PRSS3: variants seen among roughly 807,000 people sequenced by gnomAD.
PRSS3 encodes trypsin-3.
PRSS3 carries 14 observed loss-of-function variants against 20.8 expected under a neutral mutation model. The observed-to-expected ratio is 0.67, with a 90% CI of 0.44 to 1.05. The LOEUF is 1.05. PRSS3 is among the 50% of genes least tolerant of loss of function. PRSS3 has a pLI of 0.00. For missense variants in PRSS3, 237 were observed against 306.4 expected (o/e 0.77, Z 1.69); for synonymous variants, 91 against 117.6 (o/e 0.77, Z 1.46).
chr9:33,771,214 A>G (rs1170085030), intron 1 of PRSS3, among the ~76,000 whole-genome samples: 1 of 152,046 alleles, frequency 6.6e-6, no homozygotes, highest in Non-Finnish European at 1.5e-5. Flanking sequence ...TCCCTCTTAG[A>G]GCATGTTCTT....
chr9:33,799,079 T>A lies in PRSS3; in HGVS notation c.643T>A (p.Ser215Thr), dbSNP rs1825193767. ...CAACGGACAGCTCCAAGGAGTTGTC[T>A]CCTGGGGCCATGGCTGTGCCTGGAA... ...VCNGQLQGVV[S>T]WGHGCAWKNR... Residue 215 changes from serine (S) to threonine (T), a missense_variant, in exon 5 of 5, where the codon TCC becomes ACC. Ser to Thr is a moderately conservative substitution (Grantham distance 58). Transcript: ENST00000379405. The A allele has an allele frequency of 6.2e-7, 1 of 1,614,100 alleles. No homozygotes were observed. The highest frequency in any genetic ancestry group is 8.5e-7 in the Non-Finnish European group (1 of 1,180,028).
chr9:33,756,525 T>G (rs985737260), intron 1 of PRSS3, among the ~76,000 whole-genome samples: 7 of 152,190 alleles, frequency 4.6e-5, no homozygotes, highest in Admixed American at 6.5e-5. Context: ...GAAACTTAAA[T>G]TACTTAGACT....
intron 1 of PRSS3, among the ~76,000 whole-genome samples, chr9:33,754,779 C>A (rs62559231): frequency 0.32 from 47,879 of 151,812 alleles, 8,465 homozygotes; most frequent in East Asian, 0.57. Flanking sequence ...TGCAGTGAGC[C>A]GAAATCATGC....
In PRSS3 at chr9:33,778,975, TATC is replaced by T. The variant is rs1197574609; in HGVS notation, c.-52-15768_-52-15766del. ...ACGGCACAAACTACCACACTAAAAT[TATC>T]ATGCTAATTATATATGCAAGATGTG... On this transcript the variant is annotated intron_variant, in intron 1 of 5. Coordinates refer to the PRSS3 transcript ENST00000342836. Among the ~76,000 whole-genome samples, 5 of 152,204 alleles carry T rather than the reference TATC, an allele frequency of 3.3e-5. No individual in the cohort carries two copies. In the South Asian group the frequency reaches 6.2e-4, roughly 19 times the overall value.
At position 33,761,890 on chromosome 9, in the gene PRSS3, GA is replaced by G. The variant is rs200890148; in HGVS notation, c.-53+11170del. Among the ~76,000 whole-genome samples, 921 of 151,698 alleles carry G rather than the reference GA, an allele frequency of 6.1e-3. 8 individuals carry two copies. The highest frequency in any genetic ancestry group is 0.021 in the African/African-American group (872 of 41,388). The stretch of plus-strand genomic sequence containing the variant: ...TGAGACCTTGTCTCAAAAAAAAGAA[GA>G]AAAAAAGGTATTATAATCTTATGGG... On this transcript the variant is annotated intron_variant, in intron 1 of 5. Coordinates refer to the PRSS3 transcript ENST00000342836.
intron 1 of PRSS3, among the ~76,000 whole-genome samples, chr9:33,753,947 G>T (rs997020451): frequency 1.3e-5 from 2 of 152,160 alleles, no homozygotes; most frequent in Admixed American, 6.5e-5. Flanking sequence ...ACCCTCCTTA[G>T]CATGGAGCTC....
intron 1 of PRSS3, among the ~76,000 whole-genome samples, chr9:33,784,537 T>C (rs1824306948): frequency 1.3e-5 from 2 of 152,254 alleles, no homozygotes; most frequent in African/African-American, 4.8e-5. Context: ...ACATTTTCTC[T>C]ATTATAAGGT....
At chr9:33,777,531 CAAAAAAA>C (rs74180503) in intron 1 of PRSS3, among the ~76,000 whole-genome samples, 8 of 101,860 alleles carry the variant, frequency 7.9e-5, no homozygotes, top group South Asian at 3.3e-4. Context: ...CTAAAAATAC[CAAAAAAA>C]AAAAAAAAAA....
chr9:33,753,840 T>C (rs1237439230), intron 1 of PRSS3, among the ~76,000 whole-genome samples: 1 of 152,186 alleles, frequency 6.6e-6, no homozygotes, highest in East Asian at 1.9e-4. Context: ...TTTGTTTTTC[T>C]CAGAGAAGGA....
chr9:33,750,771 C>T lies in PRSS3; in HGVS notation c.-53+44C>T, dbSNP rs1435618758. The T allele has an allele frequency of 1.4e-6, 2 of 1,414,626 alleles. No homozygotes were observed. Among genetic ancestry groups the T allele is most frequent in the Non-Finnish European group, 1.8e-6 (2 of 1,089,000 alleles). 87.6% of individuals were successfully genotyped at this position (1,414,626 alleles called of 1,614,324 possible). Reference sequence around the variant, plus strand: ...CAGGGGGCTTGAAACTGGAGGAGGGCTCGAAGGGAGAGGGAGCCCCGCCAA... The same window carrying T: ...CAGGGGGCTTGAAACTGGAGGAGGGTTCGAAGGGAGAGGGAGCCCCGCCAA... On this transcript the variant is annotated intron_variant, in intron 1 of 5. Transcript: ENST00000342836. This position sits in a 1 kb window ranked among gnomAD's most constrained non-coding sequence, Gnocchi z 4.8.
At chr9:33,771,976 A>C (rs1823732672) in intron 1 of PRSS3, among the ~76,000 whole-genome samples, 1 of 147,944 alleles carries the variant, frequency 6.8e-6, no homozygotes, top group South Asian at 2.1e-4. Context: ...GGTTCAAGCT[A>C]TTCTCATGCC....
At chr9:33,797,035 C>T (rs578020320) in intron 2 of PRSS3, among the ~76,000 whole-genome samples, 1 of 152,292 alleles carries the variant, frequency 6.6e-6, no homozygotes, top group East Asian at 1.9e-4. Flanking sequence ...GTGACAAAAG[C>T]AGGCAAGTAC....
upstream of PRSS3, among the ~76,000 whole-genome samples, chr9:33,791,324 G>A (rs1322456911): frequency 2.6e-5 from 4 of 152,174 alleles, no homozygotes; most frequent in African/African-American, 9.7e-5. Flanking sequence ...TGTGGATGGA[G>A]CACTCAGTTC....
chr9:33,792,968 G>C (rs1180501814), upstream of PRSS3, among the ~76,000 whole-genome samples: 4 of 152,204 alleles, frequency 2.6e-5, no homozygotes, highest in African/African-American at 9.7e-5. Context: ...TTGAGCTTGG[G>C]CAGCTGGATC....
At chr9:33,757,467 G>C (rs1317798710) in intron 1 of PRSS3, among the ~76,000 whole-genome samples, 3 of 137,120 alleles carry the variant, frequency 2.2e-5, no homozygotes, top group South Asian at 2.3e-4. Flanking sequence ...ACTTGGAGCA[G>C]ATTCATCTTT....
At chr9:33,786,605 T>G in intron 1 of PRSS3, 1 of 766,402 alleles carries the variant, frequency 1.3e-6, no homozygotes, top group East Asian at 2.4e-5. Flanking sequence ...GATGATCCAG[T>G]GTCAAGTCGA....
chr9:33,762,741 G>A (rs1823257992), intron 1 of PRSS3, among the ~76,000 whole-genome samples: 1 of 152,174 alleles, frequency 6.6e-6, no homozygotes, highest in African/African-American at 2.4e-5. Context: ...AGGATTATCT[G>A]ATGTTAAACA....
At chr9:33,754,831 T>G (rs1822867886) in intron 1 of PRSS3, among the ~76,000 whole-genome samples, 1 of 151,986 alleles carries the variant, frequency 6.6e-6, no homozygotes, top group Non-Finnish European at 1.5e-5. Context: ...AAACTCCATC[T>G]CAAAAAATAG....
chr9:33,786,570 A>G, intron 1 of PRSS3: 1 of 766,318 alleles, frequency 1.3e-6, no homozygotes, highest in East Asian at 2.4e-5. Flanking sequence ...CCAAGCAGGG[A>G]TATCTGTCAA....
Sources: gnomAD v4.1 joint callset for allele counts (sites outside exome capture counted in the v4.1 genomes callset) on GRCh38, gnomAD v4.1.1 for gene constraint, Gnocchi (gnomAD v3.1) non-coding constraint, MANE v1.5 for transcripts, NCBI Gene and HGNC (gene_info 2026-07-23, HGNC 2026-07-21) for gene names.